Variants in TPD52 observed in about 807,000 individuals in gnomAD.
TPD52 encodes the protein tumor protein D52.
TPD52 carries 17 observed loss-of-function variants against 31.3 expected under a neutral mutation model. The ratio of observed to expected loss-of-function variants is 0.54; its 90% CI spans 0.37 to 0.82. The LOEUF is 0.82. Ranked by LOEUF, TPD52 falls within the 40% of genes least tolerant of loss-of-function variation. TPD52 has a pLI of 0.00. For missense variants in TPD52, 212 were observed against 240.1 expected (o/e 0.88, Z 0.77); for synonymous variants, 83 against 89.6 (o/e 0.93, Z 0.42).
intron 3 of TPD52, among the ~76,000 whole-genome samples, chr8:80,052,349 T>C (rs1208080132): frequency 1.3e-5 from 2 of 152,052 alleles, no homozygotes; most frequent in Non-Finnish European, 2.9e-5. Context: ...CAAAATAATA[T>C]CGTACCTACC....
At chr8:80,069,195 G>A (rs1210697312) in intron 1 of TPD52, among the ~76,000 whole-genome samples, 1 of 152,194 alleles carries the variant, frequency 6.6e-6, no homozygotes, top group Non-Finnish European at 1.5e-5. Flanking sequence ...CAGGCACAGT[G>A]GTTCATACCT....
chr8:80,171,191 A>C (rs775686715), intron 1 of TPD52: 1 of 700,598 alleles, frequency 1.4e-6, no homozygotes, highest in South Asian at 1.5e-5. Flanking sequence ...CCTCTCCCCC[A>C]CACACGCACA....
chr8:80,128,512 A>G lies in TPD52; in HGVS notation c.19+42913T>C, dbSNP rs1036825829. 4.1e-4 allele frequency among the ~76,000 whole-genome samples: 61 copies of G among 149,838 alleles called. 1 individual carries two copies. The highest frequency in any genetic ancestry group is 1.4e-3 in the African/African-American group (59 of 40,750). ...GTCTCTACAAAAAAAAAAAAAAAAA[A>G]TGCTGGGCATGGTGGTACACACCCA... On this transcript the variant is annotated intron_variant, in intron 1 of 7. Coordinates refer to ENST00000518937, the MANE Select transcript of TPD52 (RefSeq NM_001025253.3).
intron 1 of TPD52, among the ~76,000 whole-genome samples, chr8:80,170,287 A>T (rs930597755): frequency 6.6e-6 from 1 of 152,074 alleles, no homozygotes. Flanking sequence ...GTGGTGGCGC[A>T]CACCTGTAAT....
At chr8:80,087,231 G>A (rs2130864205) in intron 1 of TPD52, among the ~76,000 whole-genome samples, 1 of 152,250 alleles carries the variant, frequency 6.6e-6, no homozygotes, top group Middle Eastern at 3.4e-3. Flanking sequence ...GTGGTTTGCT[G>A]CACAAATCAA....
chr8:80,096,957 GTC>G (rs1294879080), intron 1 of TPD52, among the ~76,000 whole-genome samples: 1 of 152,226 alleles, frequency 6.6e-6, no homozygotes. Flanking sequence ...CATGTCAATA[GTC>G]TCTGTAGGCC....
intron 5 of TPD52, among the ~76,000 whole-genome samples, chr8:80,050,056 C>A (rs998190927): frequency 7.9e-5 from 12 of 152,022 alleles, no homozygotes; most frequent in Admixed American, 7.9e-4. Context: ...GTAATGAAAC[C>A]CAGGTGAAGA....
At chr8:80,051,372 T>G in intron 4 of TPD52, 155 bp downstream of exon 4, 2 of 638,480 alleles carry the variant, frequency 3.1e-6, no homozygotes, top group South Asian at 3.8e-5. Context: ...AGACCTTAGA[T>G]GAGCCTTCCA....
At chr8:80,032,662 A>G (rs901864174), downstream of TPD52, 2 of 152,300 alleles carry the variant, frequency 1.3e-5, no homozygotes, top group Non-Finnish European at 2.9e-5. Context: ...TGCCTGAGTA[A>G]AGAGTTAAAG....
At chr8:80,079,988 T>C (rs7016153) in intron 1 of TPD52, among the ~76,000 whole-genome samples, 93,174 of 151,948 alleles carry the variant, frequency 0.61, 28,630 homozygotes, top group East Asian at 0.73. Flanking sequence ...CCTAAGCAAC[T>C]AGAAACCAAG....
downstream of TPD52, chr8:80,034,640 C>T (rs781315250): frequency 3.3e-5 from 5 of 152,042 alleles, no homozygotes; most frequent in Non-Finnish European, 7.4e-5. Context: ...AATTCTAATA[C>T]TAAAAAATAG....
At chr8:80,052,769 A>G in intron 3 of TPD52, 1 of 810,848 alleles carries the variant, frequency 1.2e-6, no homozygotes, top group Non-Finnish European at 1.8e-6. Context: ...ACCTCTGCCA[A>G]GAGCATATAT....
At chr8:80,094,905 G>A (rs1816614451) in intron 1 of TPD52, among the ~76,000 whole-genome samples, 1 of 152,072 alleles carries the variant, frequency 6.6e-6, no homozygotes. Flanking sequence ...TGAAGAAGAG[G>A]AAGCCCTGGG....
At chr8:80,140,415 T>C (rs1040600035) in intron 1 of TPD52, among the ~76,000 whole-genome samples, 1 of 152,234 alleles carries the variant, frequency 6.6e-6, no homozygotes, top group Non-Finnish European at 1.5e-5. Context: ...CCTTGTTAAC[T>C]AAAGAAAACA....
chr8:80,034,205 A>G (rs910075590), downstream of TPD52, among the ~76,000 whole-genome samples: 2 of 152,044 alleles, frequency 1.3e-5, no homozygotes, highest in Non-Finnish European at 2.9e-5. Context: ...CTCAGCCACA[A>G]CTTTGCTCCG....
chr8:80,034,676 A>G (rs1809788038), downstream of TPD52: 1 of 152,214 alleles, frequency 6.6e-6, no homozygotes, highest in South Asian at 2.1e-4. Context: ...AGAACAGAGA[A>G]TCAATTCTAG....
intron 1 of TPD52, among the ~76,000 whole-genome samples, chr8:80,115,177 C>A (rs895050970): frequency 6.6e-6 from 1 of 152,178 alleles, no homozygotes; most frequent in African/African-American, 2.4e-5. Flanking sequence ...ACCACTTAGG[C>A]CCACTTTTGA....
At chr8:80,119,789 G>T in intron 1 of TPD52, 1 of 363,488 alleles carries the variant, frequency 2.8e-6, no homozygotes, top group Non-Finnish European at 5.3e-6. Flanking sequence ...CAAATATAAA[G>T]GAATTTAATG....
intron 1 of TPD52, among the ~76,000 whole-genome samples, chr8:80,089,610 C>A (rs1409874830): frequency 6.6e-6 from 1 of 152,120 alleles, no homozygotes; most frequent in African/African-American, 2.4e-5. Flanking sequence ...TAGTGAACAC[C>A]TACAATCAGC....
Sources: gnomAD v4.1 joint callset for allele counts (sites outside exome capture counted in the v4.1 genomes callset) on GRCh38, gnomAD v4.1.1 for gene constraint, MANE v1.5 for transcripts, NCBI Gene and HGNC (gene_info 2026-07-23, HGNC 2026-07-21) for gene names.